CHTF18: variants seen among roughly 807,000 people sequenced by gnomAD.
The protein encoded by CHTF18 is chromosome transmission fidelity protein 18 homolog.
In CHTF18, 151 loss-of-function variants were observed where a neutral mutation model predicts 113.4. The ratio of observed to expected loss-of-function variants is 1.33; its 90% CI spans 1.17 to 1.52. The LOEUF is 1.52. Ranked by LOEUF, CHTF18 falls within the 40% of genes most tolerant of loss-of-function variation. The pLI is 0.00. For synonymous variants in CHTF18, 916 were observed against 598.8 expected (o/e 1.53, Z -7.74); for missense variants, 1,982 against 1,381.6 (o/e 1.43, Z -6.89).
intron 15 of CHTF18, 72 bp downstream of exon 15, chr16:794,273 C>A: frequency 6.5e-7 from 1 of 1,546,732 alleles, no homozygotes; most frequent in Non-Finnish European, 8.8e-7. Context: ...CTGCCCCTGC[C>A]GGTCCTCCCG....
chr16:791,701 G>T lies in CHTF18; in HGVS notation c.1105-150G>T, dbSNP rs2042200840. On this transcript the variant is annotated intron_variant, in intron 8 of 21. Transcript: ENST00000262315. ...TTTTTCCGTTGCCATCTTGGTGTGT[G>T]AAAGTGCTCAATTTTGTTCTTATTT... 6 of 1,434,180 alleles carry T rather than the reference G, an allele frequency of 4.2e-6. No individual in the cohort carries two copies. In the South Asian group the frequency reaches 7.4e-5, roughly 18 times the overall value. The allele number at this position is 1,434,180 out of a possible 1,614,324, so 88.8% of individuals were successfully genotyped here.
At chr16:793,631 C>T (rs895939324) in intron 14 of CHTF18, 1 of 522,840 alleles carries the variant, frequency 1.9e-6, no homozygotes, top group Non-Finnish European at 3.5e-6. Context: ...CCCTGCCTGC[C>T]CACACTGCTT....
intron 20 of CHTF18, 36 bp from the exon 21 acceptor site, chr16:797,658 T>G (rs1385321214): frequency 6.2e-7 from 1 of 1,607,560 alleles, no homozygotes; most frequent in Admixed American, 1.7e-5. Flanking sequence ...ATGGGGCATC[T>G]GTCCTATACG....
At chr16:790,990 G>T in intron 7 of CHTF18, 171 bp from the exon 8 acceptor site, 2 of 1,454,150 alleles carry the variant, frequency 1.4e-6, no homozygotes, top group Non-Finnish European at 1.8e-6. Flanking sequence ...AGCCGTGGGG[G>T]TGGAGCCCCT....
intron 14 of CHTF18, 68 bp from the exon 15 acceptor site, chr16:793,986 C>G: frequency 6.5e-7 from 1 of 1,548,288 alleles, no homozygotes; most frequent in Non-Finnish European, 8.8e-7. Context: ...CTGAGTGTCC[C>G]GGGGAGACGG....
chr16:791,977 C>T (rs761429699), intron 9 of CHTF18, 29 bp downstream of exon 9: 16 of 1,584,712 alleles, frequency 1.0e-5, no homozygotes, highest in South Asian at 5.8e-5. Context: ...GTCTCTGGCT[C>T]GCCTTCTGTC....
chr16:796,668 C>T (rs2042356524), intron 18 of CHTF18, 49 bp from the exon 19 acceptor site: 1 of 1,528,774 alleles, frequency 6.5e-7, no homozygotes, highest in Non-Finnish European at 8.8e-7. Context: ...CTCTCTGGCC[C>T]TGAGCCTGGC....
chr16:790,011 C>G (rs538158660), intron 4 of CHTF18, 166 bp from the exon 5 acceptor site: 5 of 1,535,370 alleles, frequency 3.3e-6, no homozygotes, highest in Non-Finnish European at 4.4e-6. Context: ...TTGCAGCTGA[C>G]CCATCTGGAT....
At chr16:795,034 A>C in intron 15 of CHTF18, 98 bp from the exon 16 acceptor site, 2 of 980,252 alleles carry the variant, frequency 2.0e-6, no homozygotes, top group Non-Finnish European at 3.0e-6. Context: ...GGCAGGCGGC[A>C]GGCAGGAGTG....
intron 20 of CHTF18, 127 bp downstream of exon 20, chr16:797,219 G>C: frequency 8.5e-7 from 1 of 1,178,356 alleles, no homozygotes; most frequent in African/African-American, 1.6e-5. Flanking sequence ...GGTGTGGCTA[G>C]GGCCCCTCAT....
In CHTF18 at chr16:792,504, C is replaced by T. The variant is rs576320040; in HGVS notation, c.1392C>T (p.Gly464=). 2.6e-5 allele frequency: 42 copies of T among 1,591,178 alleles called. No individual in the cohort carries two copies. In the South Asian group the frequency reaches 4.3e-4, roughly 16 times the overall value. The stretch of plus-strand genomic sequence containing the variant: ...GGCCACAGGAGGTGGGGCCACAGGG[C>T]CCGGCTGTGCCTTCGGGAGGCGGCC... ...RKGPQEVGPQ[G]PAVPSGGGRR... Residue 464 remains glycine (G), a synonymous_variant, in exon 11 of 22, where the codon GGC becomes GGT. Transcript: ENST00000262315.
In CHTF18 at chr16:790,626, A is replaced by T. The variant is rs2151642462; in HGVS notation, c.854A>T (p.Glu285Val). 2 of 1,587,204 alleles carry T rather than the reference A, an allele frequency of 1.3e-6. No individual in the cohort carries two copies. The highest frequency in any genetic ancestry group is 1.3e-5 in the African/African-American group (1 of 74,292). ...TCCAGTCACTGCCTCTGGGTGGATG[A>T]GTTTGCACCCCGCCACTACACGGAG... Reference protein sequence around the residue: ...DASSHCLWVDEFAPRHYTELL... With the variant: ...DASSHCLWVDVFAPRHYTELL... Residue 285 changes from glutamate to valine, a missense_variant, in exon 7 of 22, where the codon GAG (glutamate) becomes GTG (valine). Transcript: ENST00000262315.
chr16:796,938 C>G, intron 19 of CHTF18, 23 bp from the exon 20 acceptor site: 1 of 1,528,916 alleles, frequency 6.5e-7, no homozygotes, highest in Non-Finnish European at 8.8e-7. Flanking sequence ...GTGGCCAGAT[C>G]TCACAATGCC....
intron 15 of CHTF18, chr16:794,683 C>T (rs1258101591): frequency 8.8e-6 from 2 of 227,776 alleles, no homozygotes; most frequent in Non-Finnish European, 1.7e-5. Context: ...ATCCCAAAAG[C>T]CGCGATGTGG....
In CHTF18 at chr16:792,498, A is replaced by G. The variant is rs755801236; in HGVS notation, c.1386A>G (p.Pro462=). The change falls in exon 11 of 22, where the codon CCA becomes CCG. Residue 462 remains proline, a synonymous_variant. Transcript: ENST00000262315. The stretch of plus-strand genomic sequence containing the variant: ...GCAAGGGGCCACAGGAGGTGGGGCC[A>G]CAGGGCCCGGCTGTGCCTTCGGGAG... ...LNRKGPQEVG[P]QGPAVPSGGG... is the part of the protein sequence containing the mutation. 10 of 1,595,860 alleles carry G rather than the reference A, an allele frequency of 6.3e-6. No homozygotes were observed. Among genetic ancestry groups the G allele is most frequent in the South Asian group, 1.1e-5 (1 of 88,962 alleles).
rs993753667 is a variant in CHTF18 at position 790,261 on chromosome 16, G to C, written c.691G>C (p.Asp231His). The change falls in exon 5 of 22, where the codon GAC becomes CAC. Residue 231 changes from aspartate (D) to histidine (H), a missense_variant. Coordinates refer to ENST00000262315, the MANE Select transcript of CHTF18 (RefSeq NM_022092.3). ...VSLASLKKQV[D>H]GERRERLLQE... is the part of the protein sequence containing the mutation. Reference sequence around the variant, plus strand: ...CTTAGCCTCCCTGAAGAAGCAGGTCGACGGCGAGGTAGGGGCTGCGGGTTT... The same window carrying C: ...CTTAGCCTCCCTGAAGAAGCAGGTCCACGGCGAGGTAGGGGCTGCGGGTTT... 6.2e-7 allele frequency: 1 copy of C among 1,606,906 alleles called. No homozygotes were observed. Among genetic ancestry groups the C allele is most frequent in the Non-Finnish European group, 8.5e-7 (1 of 1,177,706 alleles).
intron 14 of CHTF18, chr16:793,669 A>G (rs1284789931): frequency 3.7e-6 from 2 of 541,890 alleles, no homozygotes; most frequent in South Asian, 1.8e-5. Flanking sequence ...AGCAGCCAGC[A>G]TGTCTCTGTC....
In CHTF18 at chr16:795,744, G is replaced by C; in HGVS notation, c.2235G>C (p.Ala745=). Reference sequence around the variant, plus strand: ...TCCAGACGCTGGTGTCCGGCATCGCGCCAGCCACGCGCAGCCGGGCCACGC... The same window carrying C: ...TCCAGACGCTGGTGTCCGGCATCGCCCCAGCCACGCGCAGCCGGGCCACGC... ...NLIQTLVSGI[A]PATRSRATPQ... The change falls in exon 17 of 22, where the codon GCG becomes GCC. Residue 745 remains alanine (A), a synonymous_variant. Coordinates refer to ENST00000262315, the MANE Select transcript of CHTF18 (RefSeq NM_022092.3). 1 of 1,607,510 alleles carries C rather than the reference G, an allele frequency of 6.2e-7. No homozygotes were observed. The highest frequency in any genetic ancestry group is 8.5e-7 in the Non-Finnish European group (1 of 1,178,344).
Position 792,704 on chromosome 16 carries a change from C to T in CHTF18, c.1479-14C>T. 6.4e-7 allele frequency: 1 copy of T among 1,571,232 alleles called. No homozygotes were observed. Among genetic ancestry groups the T allele is most frequent in the East Asian group, 2.3e-5 (1 of 43,026 alleles). On this transcript the variant is annotated splice_polypyrimidine_tract_variant and intron_variant, in intron 11 of 21. Coordinates refer to ENST00000262315, the MANE Select transcript of CHTF18 (RefSeq NM_022092.3). ...GCCAACCCTGGGGTCCCTGGCCCTG[C>T]CGCCTCTCCTCAGGTTCGCACCGTC...
Sources: allele counts gnomAD v4.1 joint callset, GRCh38; gene constraint gnomAD v4.1.1; transcripts MANE v1.5; gene names NCBI Gene and HGNC (gene_info 2026-07-23, HGNC 2026-07-21).